Variants in AGBL4 observed in about 807,000 individuals in gnomAD.
AGBL4 encodes the protein AGBL carboxypeptidase 4.
Under a neutral mutation model 66.4 loss-of-function variants are expected in AGBL4, and 58 were observed. The observed-to-expected ratio is 0.87, with a 90% CI of 0.71 to 1.09. The LOEUF (loss-of-function observed/expected upper bound fraction) is 1.09, where lower values mean the gene tolerates loss of function less well. Ranked by LOEUF, AGBL4 falls within the 50% of genes least tolerant of loss-of-function variation. The pLI is 0.00. For synonymous variants in AGBL4, 234 were observed against 222.9 expected (o/e 1.05, Z -0.44); for missense variants, 579 against 631.0 (o/e 0.92, Z 0.88).
intron 3 of AGBL4, among the ~76,000 whole-genome samples, chr1:49,572,466 G>C (rs550766956): frequency 2.0e-5 from 3 of 152,052 alleles, no homozygotes; most frequent in Non-Finnish European, 2.9e-5. Flanking sequence ...GTGTATTCTA[G>C]CCTGCAGTTT....
intron 10 of AGBL4, among the ~76,000 whole-genome samples, chr1:48,588,656 A>AGTGTGTGTGT (rs57683318): frequency 0.079 from 11,634 of 147,552 alleles, 534 homozygotes; most frequent in Non-Finnish European, 0.09. Context: ...GAAACAGAGA[A>AGTGTGTGTGT]GTGTGTGTGT....
intron 4 of AGBL4, among the ~76,000 whole-genome samples, chr1:49,095,902 A>G (rs1645089771): frequency 6.6e-6 from 1 of 152,106 alleles, no homozygotes; most frequent in Non-Finnish European, 1.5e-5. Context: ...GTGAACAGGC[A>G]ACCTACAAAA....
chr1:48,872,263 A>C (rs561573585), intron 5 of AGBL4, among the ~76,000 whole-genome samples: 1 of 152,274 alleles, frequency 6.6e-6, no homozygotes, highest in African/African-American at 2.4e-5. Flanking sequence ...TATTGTATTT[A>C]TATATAATAA....
intron 2 of AGBL4, among the ~76,000 whole-genome samples, chr1:49,724,776 T>C (rs1648886391): frequency 1.3e-5 from 2 of 152,120 alleles, no homozygotes; most frequent in East Asian, 1.9e-4. Flanking sequence ...GATATATATA[T>C]ATATCTGTCC....
At chr1:49,086,105 G>C (rs1041657564) in intron 4 of AGBL4, among the ~76,000 whole-genome samples, 1 of 152,294 alleles carries the variant, frequency 6.6e-6, no homozygotes, top group East Asian at 1.9e-4. Flanking sequence ...AGACAAGGCA[G>C]GTGACCACCC....
intron 5 of AGBL4, among the ~76,000 whole-genome samples, chr1:48,867,801 T>C (rs1648261322): frequency 6.6e-6 from 1 of 152,354 alleles, no homozygotes; most frequent in South Asian, 2.1e-4. Context: ...ACTGAATCCT[T>C]ATCCTTTTTT....
At chr1:48,993,161 G>T (rs1010870342) in intron 5 of AGBL4, among the ~76,000 whole-genome samples, 1 of 152,110 alleles carries the variant, frequency 6.6e-6, no homozygotes, top group Non-Finnish European at 1.5e-5. Flanking sequence ...GACTATCACT[G>T]CTGATTATTC....
chr1:48,527,322 G>A, the AGBL4 span, among the ~76,000 whole-genome samples: 1 of 151,992 alleles, frequency 6.6e-6, no homozygotes, highest in Non-Finnish European at 1.5e-5. Flanking sequence ...CAGGCCTGGC[G>A]CAACAGCTCA....
At chr1:49,334,851 G>T (rs1645402295) in intron 3 of AGBL4, among the ~76,000 whole-genome samples, 1 of 152,206 alleles carries the variant, frequency 6.6e-6, no homozygotes, top group Non-Finnish European at 1.5e-5. Flanking sequence ...TGTGGCAAAA[G>T]AAATTCCTAC....
At chr1:49,785,579 G>C (rs1644432551) in intron 2 of AGBL4, among the ~76,000 whole-genome samples, 1 of 151,840 alleles carries the variant, frequency 6.6e-6, no homozygotes, top group Admixed American at 6.6e-5. Context: ...TCCTATTTCA[G>C]GGTGGCAATG....
At chr1:49,726,200 G>C (rs1489710465) in intron 2 of AGBL4, among the ~76,000 whole-genome samples, 3 of 152,018 alleles carry the variant, frequency 2.0e-5, no homozygotes, top group Non-Finnish European at 4.4e-5. Context: ...TAGAATTCTA[G>C]GCAAAGGGAA....
chr1:49,826,409 A>G (rs1356274017), intron 2 of AGBL4, among the ~76,000 whole-genome samples: 2 of 152,232 alleles, frequency 1.3e-5, no homozygotes, highest in Non-Finnish European at 1.5e-5. Flanking sequence ...TGTGATTGAT[A>G]TGTAAATTAT....
intron 3 of AGBL4, among the ~76,000 whole-genome samples, chr1:49,378,956 T>C (rs917526547): frequency 6.6e-6 from 1 of 152,006 alleles, no homozygotes; most frequent in Non-Finnish European, 1.5e-5. Context: ...AAAAGGAAGG[T>C]ATGAGCAGCA....
chr1:49,151,707 T>C (rs1454577312), intron 4 of AGBL4, among the ~76,000 whole-genome samples: 1 of 152,178 alleles, frequency 6.6e-6, no homozygotes, highest in Non-Finnish European at 1.5e-5. Flanking sequence ...CAGGAAATAC[T>C]GTATGCACTG....
intron 3 of AGBL4, among the ~76,000 whole-genome samples, chr1:49,435,004 T>C (rs2148661250): frequency 6.6e-6 from 1 of 152,280 alleles, no homozygotes; most frequent in East Asian, 1.9e-4. Flanking sequence ...TTCTCTCAGA[T>C]TAGCTGTCTC....
At chr1:49,218,946 T>C (rs1313797792) in intron 4 of AGBL4, among the ~76,000 whole-genome samples, 2 of 152,164 alleles carry the variant, frequency 1.3e-5, no homozygotes, top group Non-Finnish European at 2.9e-5. Context: ...TTTCACCTTC[T>C]GCCATGATTG....
intron 3 of AGBL4, among the ~76,000 whole-genome samples, chr1:49,394,896 G>T (rs1009734914): frequency 4.6e-5 from 7 of 152,078 alleles, no homozygotes; most frequent in African/African-American, 7.2e-5. Flanking sequence ...TTTCATTCTG[G>T]TCTCTCTGCC....
intron 3 of AGBL4, among the ~76,000 whole-genome samples, chr1:49,443,617 A>T (rs1178011153): frequency 6.6e-6 from 1 of 151,726 alleles, no homozygotes; most frequent in Non-Finnish European, 1.5e-5. Flanking sequence ...TGTTCCATTG[A>T]TCTATGTGCC....
At chr1:49,121,585 C>G (rs773157549) in intron 4 of AGBL4, among the ~76,000 whole-genome samples, 1 of 152,160 alleles carries the variant, frequency 6.6e-6, no homozygotes, top group Non-Finnish European at 1.5e-5. Flanking sequence ...GAAGCTTTGT[C>G]TCAGAGAGGC....
Sources: gnomAD v4.1 joint callset for allele counts (sites outside exome capture counted in the v4.1 genomes callset) on GRCh38, gnomAD v4.1.1 for gene constraint, MANE v1.5 for transcripts, NCBI Gene and HGNC (gene_info 2026-07-23, HGNC 2026-07-21) for gene names.